ANK2: variants seen among roughly 807,000 people sequenced by gnomAD.
ANK2 encodes ankyrin-2.
A neutral mutation model predicts 360.5 loss-of-function variants in ANK2; 83 were observed. The ratio of observed to expected loss-of-function variants is 0.23; its 90% confidence interval spans 0.19 to 0.28. ANK2 has a LOEUF of 0.28. Ranked by LOEUF, ANK2 falls within the 10% of genes least tolerant of loss-of-function variation. ANK2 has a pLI of 1.00. For missense variants in ANK2, 4,201 were observed against 4,795.7 expected, an observed-to-expected ratio of 0.88 and a Z score of 3.66; for synonymous variants, 1,740 against 1,759.5, an observed-to-expected ratio of 0.99 and a Z score of 0.28.
intron 2 of ANK2, among the ~76,000 whole-genome samples, chr4:112,989,386 C>G (rs1384973308): frequency 6.6e-6 from 1 of 152,144 alleles, no homozygotes; most frequent in Non-Finnish European, 1.5e-5. Flanking sequence ...AACATGTGCT[C>G]TTACTGATTC....
upstream of ANK2, among the ~76,000 whole-genome samples, chr4:113,046,158 C>T (rs2064308143): frequency 6.6e-6 from 1 of 152,112 alleles, no homozygotes; most frequent in East Asian, 1.9e-4. Flanking sequence ...ACACTTATAA[C>T]ATCTTGACAT....
the ANK2 span, among the ~76,000 whole-genome samples, chr4:112,751,222 C>T: frequency 6.6e-6 from 1 of 152,094 alleles, no homozygotes; most frequent in Non-Finnish European, 1.5e-5. Flanking sequence ...TAAAAGGTGA[C>T]CAGGCTTGCA....
At chr4:113,083,461 C>T (rs1027859590) in intron 1 of ANK2, among the ~76,000 whole-genome samples, 1 of 152,190 alleles carries the variant, frequency 6.6e-6, no homozygotes, top group Non-Finnish European at 1.5e-5. Flanking sequence ...AGGCTTCAGC[C>T]ACTGCACCTG....
At chr4:112,822,134 G>A (rs1296459102) in intron 1 of ANK2, among the ~76,000 whole-genome samples, 1 of 151,566 alleles carries the variant, frequency 6.6e-6, no homozygotes, top group Non-Finnish European at 1.5e-5. Flanking sequence ...CGGGCACGGT[G>A]GCTTACGTCT....
chr4:112,744,633 A>C, the ANK2 span, among the ~76,000 whole-genome samples: 2 of 152,150 alleles, frequency 1.3e-5, no homozygotes, highest in African/African-American at 4.8e-5. Flanking sequence ...TACAGGCATG[A>C]GCCACCACGC....
intron 1 of ANK2, among the ~76,000 whole-genome samples, chr4:113,133,324 G>A (rs1039679599): frequency 7.9e-5 from 12 of 152,090 alleles, no homozygotes; most frequent in African/African-American, 2.7e-4. Context: ...AGAAGAATGA[G>A]AGCATGTAGA....
chr4:112,750,569 G>A, the ANK2 span, among the ~76,000 whole-genome samples: 3 of 152,004 alleles, frequency 2.0e-5, no homozygotes, highest in African/African-American at 7.2e-5. Context: ...CCCAAGAGAG[G>A]GTTCTTGTAT....
At chr4:113,228,833 TA>T (rs1028940482) in intron 4 of ANK2, among the ~76,000 whole-genome samples, 3 of 152,126 alleles carry the variant, frequency 2.0e-5, no homozygotes, top group African/African-American at 7.2e-5. Context: ...TTTTTTAAAT[TA>T]AAAACTACAT....
At position 113,106,947 on chromosome 4, in the gene ANK2, A is replaced by T. The variant is rs1314192737; in HGVS notation, c.84+57135A>T. On this transcript the variant is annotated intron_variant, in intron 1 of 45. Coordinates refer to ENST00000357077, the MANE Select transcript of ANK2 (RefSeq NM_001148.6). ...TTGCTTTGGTAATAAATCTATTTTTAAAAGAACCTATTACAGAGACTTCCA... is the reference window on the plus strand; with the variant it reads ...TTGCTTTGGTAATAAATCTATTTTTTAAAGAACCTATTACAGAGACTTCCA... The T allele has an allele frequency of 5.6e-6, 3 of 531,798 alleles. No individual in the cohort carries two copies. In the African/African-American group the frequency reaches 5.8e-5, roughly 10 times the overall value. The allele number at this position is 531,798 out of a possible 1,614,324, so 32.9% of individuals were successfully genotyped here.
chr4:113,110,558 G>A (rs1408268088), intron 1 of ANK2, among the ~76,000 whole-genome samples: 1 of 152,142 alleles, frequency 6.6e-6, no homozygotes, highest in East Asian at 1.9e-4. Context: ...ATAGCATCCA[G>A]AAGCATTAAT....
At chr4:113,048,192 T>C (rs1250650258), upstream of ANK2, among the ~76,000 whole-genome samples, 2 of 144,452 alleles carry the variant, frequency 1.4e-5, no homozygotes, top group Admixed American at 7.1e-5. Context: ...GTGTTTAGAA[T>C]ATACATATGT....
intron 26 of ANK2, among the ~76,000 whole-genome samples, chr4:113,328,453 T>C (rs2091186180): frequency 6.6e-6 from 1 of 152,222 alleles, no homozygotes; most frequent in African/African-American, 2.4e-5. Flanking sequence ...GTGTTACCAG[T>C]ATTTTCATTC....
chr4:113,267,592 C>T (rs2056723094), intron 14 of ANK2, among the ~76,000 whole-genome samples: 1 of 152,150 alleles, frequency 6.6e-6, no homozygotes, highest in Non-Finnish European at 1.5e-5. Flanking sequence ...GGCCTCTGTT[C>T]TGTTCCATTG....
At chr4:113,254,754 C>T (rs907018386) in intron 10 of ANK2, among the ~76,000 whole-genome samples, 10 of 152,000 alleles carry the variant, frequency 6.6e-5, no homozygotes, top group South Asian at 2.1e-4. Flanking sequence ...GAATATTGGG[C>T]GGGGGGCCTT....
intron 26 of ANK2, among the ~76,000 whole-genome samples, chr4:113,329,434 A>G (rs1003283033): frequency 2.6e-5 from 4 of 152,246 alleles, no homozygotes; most frequent in Admixed American, 6.5e-5. Flanking sequence ...TGCTGTTAAC[A>G]TTTCTAAATT....
At position 113,357,902 on chromosome 4, in the gene ANK2, C is replaced by T. The variant is rs760097199; in HGVS notation, c.9284C>T (p.Thr3095Ile). ...ARTPTEEGTP[T>I]SEQNPFLFQE... ...ACCCCAACTGAAGAGGGGACCCCAA[C>T]AAGTGAGCAAAACCCATTTCTGTTT... The change falls in exon 38 of 46, where the codon ACA becomes ATA. Residue 3095 changes from threonine to isoleucine, a missense_variant. By Grantham distance (89) the Thr-to-Ile change is moderately conservative. Around this residue, in one of 4 missense-constraint regions of ANK2, gnomAD observed 2,642 missense variants for 2,714.5 expected, o/e 0.97. Coordinates refer to ENST00000357077, the MANE Select transcript of ANK2 (RefSeq NM_001148.6). 2.5e-6 allele frequency: 4 copies of T among 1,613,970 alleles called. No individual in the cohort carries two copies. The highest frequency in any genetic ancestry group is 1.3e-5 in the African/African-American group (1 of 74,930).
At chr4:112,748,933 C>T in the ANK2 span, among the ~76,000 whole-genome samples, 6 of 152,182 alleles carry the variant, frequency 3.9e-5, no homozygotes, top group Non-Finnish European at 4.4e-5. Context: ...GAGTTTCGCT[C>T]TTGTCACCCA....
the ANK2 span, among the ~76,000 whole-genome samples, chr4:112,782,922 C>G: frequency 6.6e-6 from 1 of 151,380 alleles, no homozygotes; most frequent in South Asian, 2.1e-4. Context: ...TTTCTTTTTT[C>G]TTTTTGAGAC....
intron 2 of ANK2, among the ~76,000 whole-genome samples, chr4:113,019,479 T>C (rs2057500151): frequency 6.6e-6 from 1 of 151,658 alleles, no homozygotes; most frequent in Admixed American, 6.6e-5. Flanking sequence ...CCAGAAAAAA[T>C]TGTATTTGTT....
Sources: gnomAD v4.1 joint callset for allele counts (sites outside exome capture counted in the v4.1 genomes callset) on GRCh38, gnomAD v4.1.1 for gene constraint, gnomAD v4.1.1 regional missense constraint, MANE v1.5 for transcripts, NCBI Gene and HGNC (gene_info 2026-07-23, HGNC 2026-07-21) for gene names.